COL11A1: variants seen among roughly 807,000 people sequenced by gnomAD.
COL11A1 encodes collagen alpha-1(XI) chain.
COL11A1 carries 74 observed loss-of-function variants against 265.2 expected under a neutral mutation model. The observed-to-expected ratio is 0.28, with a 90% CI of 0.23 to 0.34. The LOEUF is 0.34. Among genes scored for constraint, COL11A1 ranks in the 10% least tolerant of loss-of-function variants. COL11A1 has a pLI of 1.00. For missense variants in COL11A1, 2,165 were observed against 2,263.6 expected (o/e 0.96, Z 0.88); for synonymous variants, 816 against 727.6 (o/e 1.12, Z -1.96).
intron 11 of COL11A1, among the ~76,000 whole-genome samples, chr1:103,016,072 G>A (rs1285135822): frequency 6.6e-6 from 1 of 151,814 alleles, no homozygotes; most frequent in Non-Finnish European, 1.5e-5. Context: ...GTACAAGCCT[G>A]GTTCTTACAG....
At chr1:103,024,714 C>A (rs958569941) in intron 7 of COL11A1, among the ~76,000 whole-genome samples, 2 of 152,054 alleles carry the variant, frequency 1.3e-5, no homozygotes, top group African/African-American at 4.8e-5. Flanking sequence ...AATCCATTCT[C>A]ACCCTAAACA....
chr1:102,978,984 T>G, intron 33 of COL11A1, 71 bp from the exon 34 acceptor site: 1 of 1,609,912 alleles, frequency 6.2e-7, no homozygotes, highest in South Asian at 1.1e-5. Context: ...TCAATTTTTA[T>G]TTTTGAAAAA....
At chr1:102,878,416 G>C (rs1033902159) in intron 66 of COL11A1, among the ~76,000 whole-genome samples, 9 of 135,944 alleles carry the variant, frequency 6.6e-5, no homozygotes, top group Non-Finnish European at 1.2e-4. Context: ...ATTAAAAAGA[G>C]TCTTGAGTTT....
intron 4 of COL11A1, among the ~76,000 whole-genome samples, chr1:103,074,095 T>C (rs1461744754): frequency 1.3e-5 from 2 of 152,120 alleles, no homozygotes; most frequent in African/African-American, 2.4e-5. Flanking sequence ...AATGTGATTA[T>C]CATAATTAGT....
chr1:102,907,183 T>C (rs1654084570), intron 54 of COL11A1, among the ~76,000 whole-genome samples: 1 of 152,128 alleles, frequency 6.6e-6, no homozygotes, highest in Non-Finnish European at 1.5e-5. Context: ...CATGTTATTA[T>C]TAATTCATGA....
chr1:103,104,276 G>A (rs1674520609), intron 1 of COL11A1, among the ~76,000 whole-genome samples: 1 of 151,876 alleles, frequency 6.6e-6, no homozygotes, highest in Non-Finnish European at 1.5e-5. Context: ...CTAGGAAAAA[G>A]CAAATTTTTA....
chr1:103,026,158 G>A, intron 6 of COL11A1, 58 bp downstream of exon 6: 3 of 1,298,264 alleles, frequency 2.3e-6, no homozygotes, highest in Non-Finnish European at 3.4e-6. Flanking sequence ...TCAACATAAG[G>A]AACCACAGGA....
chr1:102,893,657 C>T (rs1652040529), intron 57 of COL11A1, among the ~76,000 whole-genome samples: 1 of 152,086 alleles, frequency 6.6e-6, no homozygotes, highest in South Asian at 2.1e-4. Context: ...CACAAGCAAA[C>T]ATTTTCCCCT....
intron 53 of COL11A1, 51 bp downstream of exon 53, chr1:102,913,586 A>G: frequency 6.7e-7 from 1 of 1,485,212 alleles, no homozygotes; most frequent in Non-Finnish European, 9.4e-7. Context: ...TCTCATTAAA[A>G]TGCCTTGAGA....
chr1:102,979,956 AT>A (rs1259182662), intron 31 of COL11A1, among the ~76,000 whole-genome samples: 1 of 152,096 alleles, frequency 6.6e-6, no homozygotes, highest in Non-Finnish European at 1.5e-5. Flanking sequence ...CACTTTTTCG[AT>A]TTGGTATTTG....
In COL11A1 at chr1:102,982,904, G is replaced by A. The variant is rs1663174441; in HGVS notation, c.2556+1234C>T. 2.0e-5 allele frequency among the ~76,000 whole-genome samples: 3 copies of A among 152,002 alleles called. No homozygotes were observed. The East Asian group carries it at 5.8e-4, about 29-fold the overall frequency. On this transcript the variant is annotated intron_variant, in intron 31 of 66. Transcript: ENST00000370096. Reference sequence around the variant, plus strand: ...TAAGAATGTTACAGAAACAGGATTTGCCATACCTATTGTTTCTGTTATGCC... The same window carrying A: ...TAAGAATGTTACAGAAACAGGATTTACCATACCTATTGTTTCTGTTATGCC...
chr1:103,105,626 C>A (rs1674632309), intron 1 of COL11A1, among the ~76,000 whole-genome samples: 2 of 151,966 alleles, frequency 1.3e-5, no homozygotes, highest in South Asian at 2.1e-4. Flanking sequence ...TATCACTGTA[C>A]CTCAATGAAA....
chr1:102,904,582 C>T (rs1445372311), intron 54 of COL11A1, among the ~76,000 whole-genome samples: 1 of 151,676 alleles, frequency 6.6e-6, no homozygotes, highest in Non-Finnish European at 1.5e-5. Context: ...ACAGACAGTT[C>T]TCAAAAGAAG....
chr1:102,914,578 A>G, intron 51 of COL11A1, 126 bp downstream of exon 51: 2 of 959,316 alleles, frequency 2.1e-6, no homozygotes, highest in South Asian at 1.5e-5. Context: ...TTACGAATAT[A>G]TGAAATGATG....
intron 4 of COL11A1, among the ~76,000 whole-genome samples, chr1:103,035,198 G>T (rs116721555): frequency 6.6e-6 from 1 of 152,006 alleles, no homozygotes; most frequent in Non-Finnish European, 1.5e-5. Flanking sequence ...AGTCACACAG[G>T]TATCCTAGAT....
chr1:102,905,936 C>T (rs534462719), intron 54 of COL11A1, among the ~76,000 whole-genome samples: 4 of 152,172 alleles, frequency 2.6e-5, no homozygotes, highest in African/African-American at 7.2e-5. Context: ...ACTAACTTTA[C>T]CATGAATTTA....
intron 4 of COL11A1, among the ~76,000 whole-genome samples, chr1:103,070,355 A>G (rs1167112771): frequency 2.0e-5 from 3 of 151,600 alleles, no homozygotes. Flanking sequence ...ATAGACCTCT[A>G]AAGATTGAAA....
intron 36 of COL11A1, among the ~76,000 whole-genome samples, chr1:102,971,421 A>G (rs951261043): frequency 6.6e-6 from 1 of 152,180 alleles, no homozygotes; most frequent in African/African-American, 2.4e-5. Context: ...ATTTCAAAAC[A>G]TGGTCAACGG....
At position 103,102,024 on chromosome 1, in the gene COL11A1, C is replaced by T. The variant is rs144718525; in HGVS notation, c.106+6049G>A. 2.0e-5 allele frequency among the ~76,000 whole-genome samples: 3 copies of T among 152,144 alleles called. No individual in the cohort carries two copies. The East Asian group carries it at 5.8e-4, about 29-fold the overall frequency. On this transcript the variant is annotated intron_variant, in intron 1 of 66. Coordinates refer to ENST00000370096, the MANE Select transcript of COL11A1 (RefSeq NM_001854.4). ...AGCCAAGTTAGTAGTAGGCCAAAGACTGCAACTGATAAATAGATATTACTC... is the reference window on the plus strand; with the variant it reads ...AGCCAAGTTAGTAGTAGGCCAAAGATTGCAACTGATAAATAGATATTACTC...
Sources: allele counts gnomAD v4.1 joint callset (sites outside exome capture counted in the v4.1 genomes callset), GRCh38; gene constraint gnomAD v4.1.1; transcripts MANE v1.5; gene names NCBI Gene and HGNC (gene_info 2026-07-23, HGNC 2026-07-21).